PID1: variants seen among roughly 807,000 people sequenced by gnomAD.
PID1 encodes the protein PTB-containing, cubilin and LRP1-interacting protein.
A neutral mutation model predicts 19.1 loss-of-function variants in PID1; 10 were observed. The ratio of observed to expected loss-of-function variants is 0.52; its 90% CI spans 0.32 to 0.89. The LOEUF (loss-of-function observed/expected upper bound fraction) is 0.89. Ranked by LOEUF, PID1 falls within the 40% of genes least tolerant of loss-of-function variation. PID1 has a pLI of 0.03. For missense variants in PID1, 248 were observed against 285.3 expected, an observed-to-expected ratio of 0.87 and a Z score of 0.94; for synonymous variants, 130 against 116.0, an observed-to-expected ratio of 1.12 and a Z score of -0.78.
chr2:229,227,794 C>A (rs1234563968), intron 1 of PID1, among the ~76,000 whole-genome samples: 1 of 152,126 alleles, frequency 6.6e-6, no homozygotes, highest in East Asian at 1.9e-4. Context: ...GTGTACTGAA[C>A]AGGTACAGAC....
chr2:229,246,787 G>A (rs1239648680), intron 1 of PID1, among the ~76,000 whole-genome samples: 1 of 152,164 alleles, frequency 6.6e-6, no homozygotes, highest in East Asian at 1.9e-4. Flanking sequence ...TATTCCAAGT[G>A]CTTACCTCTG....
chr2:229,134,958 C>T (rs986044432), intron 2 of PID1, among the ~76,000 whole-genome samples: 5 of 151,858 alleles, frequency 3.3e-5, no homozygotes, highest in Non-Finnish European at 5.9e-5. Context: ...GTTCTGCCCT[C>T]ACACAAAGGG....
At chr2:229,212,038 G>A (rs1691748250) in intron 1 of PID1, among the ~76,000 whole-genome samples, 2 of 152,156 alleles carry the variant, frequency 1.3e-5, no homozygotes, top group Non-Finnish European at 2.9e-5. Context: ...ACAAAGACAG[G>A]TGGTATCAAA....
chr2:229,197,580 G>T (rs1045062403), intron 1 of PID1, among the ~76,000 whole-genome samples: 1 of 151,490 alleles, frequency 6.6e-6, no homozygotes, highest in African/African-American at 2.4e-5. Flanking sequence ...TTTATCATAC[G>T]CTTCAAATGC....
chr2:229,113,433 C>T (rs1343958584), intron 2 of PID1, among the ~76,000 whole-genome samples: 2 of 103,868 alleles, frequency 1.9e-5, no homozygotes, highest in African/African-American at 5.9e-5. Flanking sequence ...CACACACATA[C>T]ATATATATAC....
intron 2 of PID1, among the ~76,000 whole-genome samples, chr2:229,034,405 T>C (rs532869179): frequency 6.6e-6 from 1 of 152,308 alleles, no homozygotes; most frequent in African/African-American, 2.4e-5. Context: ...ATTAGGGAAC[T>C]TGTAAGAGGT....
intron 2 of PID1, among the ~76,000 whole-genome samples, chr2:229,140,021 G>C (rs6756006): frequency 0.012 from 1,803 of 152,148 alleles, 35 homozygotes; most frequent in African/African-American, 0.041. Context: ...GAATGAGCTT[G>C]GCATGCTTTT....
At chr2:229,253,904 TTGGAGTAACACTGAATTGAAA>T (rs1402285259) in intron 1 of PID1, among the ~76,000 whole-genome samples, 1 of 152,112 alleles carries the variant, frequency 6.6e-6, no homozygotes, top group Non-Finnish European at 1.5e-5. Context: ...AGAAAAAATA[TTGGAGTAACACTGAATTGAAA>T]GGAGAGGGAG....
chr2:229,199,720 TTATATATATA>T (rs55942947), intron 1 of PID1, among the ~76,000 whole-genome samples: 86 of 132,158 alleles, frequency 6.5e-4, no homozygotes, highest in Non-Finnish European at 1.1e-3. Flanking sequence ...AATATCTAAT[TTATATATATA>T]TATATATATA....
At chr2:229,064,610 G>T (rs1239472319) in intron 2 of PID1, among the ~76,000 whole-genome samples, 2 of 151,894 alleles carry the variant, frequency 1.3e-5, no homozygotes, top group Non-Finnish European at 2.9e-5. Flanking sequence ...TCCAATTTTT[G>T]ATAAAAAAAT....
At chr2:229,089,604 TA>T (rs1410829699) in intron 2 of PID1, among the ~76,000 whole-genome samples, 2 of 152,172 alleles carry the variant, frequency 1.3e-5, no homozygotes, top group African/African-American at 4.8e-5. Flanking sequence ...ATGAAATCTG[TA>T]AAATGCTAGG....
At chr2:229,060,823 A>G (rs1345469040) in intron 2 of PID1, among the ~76,000 whole-genome samples, 5 of 151,888 alleles carry the variant, frequency 3.3e-5, no homozygotes, top group Non-Finnish European at 5.9e-5. Context: ...TTACCAGGTT[A>G]TATTTCATTG....
At chr2:229,056,567 CAT>C (rs1024693196) in intron 2 of PID1, among the ~76,000 whole-genome samples, 1 of 149,832 alleles carries the variant, frequency 6.7e-6, no homozygotes, top group African/African-American at 2.4e-5. Flanking sequence ...AGTAAAAAAA[CAT>C]ATTTCTCTTT....
chr2:229,140,983 T>G (rs1381231804), intron 2 of PID1, among the ~76,000 whole-genome samples: 1 of 151,894 alleles, frequency 6.6e-6, no homozygotes, highest in East Asian at 1.9e-4. Flanking sequence ...CTATTTTTTT[T>G]TTTTGCATTG....
chr2:229,139,278 T>C (rs1348504925), intron 2 of PID1, among the ~76,000 whole-genome samples: 1 of 152,112 alleles, frequency 6.6e-6, no homozygotes, highest in Non-Finnish European at 1.5e-5. Flanking sequence ...GAAAAAGGGA[T>C]ACAGTGTCAC....
chr2:229,117,476 T>C (rs1271091374), intron 2 of PID1, among the ~76,000 whole-genome samples: 2 of 152,176 alleles, frequency 1.3e-5, no homozygotes, highest in Admixed American at 1.3e-4. Context: ...TCCTACTGGG[T>C]CTCTCATACA....
At chr2:229,270,864 T>C (rs1690716839) in intron 1 of PID1, 150 bp downstream of exon 1, 2 of 640,932 alleles carry the variant, frequency 3.1e-6, no homozygotes, top group East Asian at 6.5e-5. Flanking sequence ...TTCCTGGCGC[T>C]GGGTAAACCG....
intron 2 of PID1, among the ~76,000 whole-genome samples, chr2:229,132,450 T>C (rs924576828): frequency 2.0e-5 from 3 of 152,246 alleles, no homozygotes; most frequent in Non-Finnish European, 2.9e-5. Context: ...CCGGCTTTTC[T>C]GGCCTTGAAA....
In PID1 at chr2:229,271,054, T is replaced by G; in HGVS notation, c.-11A>C. 6.5e-7 allele frequency: 1 copy of G among 1,544,882 alleles called. No homozygotes were observed. The highest frequency in any genetic ancestry group is 8.7e-7 in the Non-Finnish European group (1 of 1,144,862). ...GGCCGGCTGCCACATCTTCCAGCCCTGGGTTTTGGCAGAGGAGACGCTGGC... is the reference window on the plus strand; with the variant it reads ...GGCCGGCTGCCACATCTTCCAGCCCGGGGTTTTGGCAGAGGAGACGCTGGC... On this transcript the variant is annotated 5_prime_UTR_variant, in exon 1 of 3. Coordinates refer to ENST00000392055, the MANE Select transcript of PID1 (RefSeq NM_001100818.2).
Sources: gnomAD v4.1 joint callset for allele counts (sites outside exome capture counted in the v4.1 genomes callset) on GRCh38, gnomAD v4.1.1 for gene constraint, MANE v1.5 for transcripts, NCBI Gene and HGNC (gene_info 2026-07-23, HGNC 2026-07-21) for gene names.